Variants in NBEAL1 observed in about 807,000 individuals in gnomAD.
NBEAL1 encodes the protein neurobeachin-like protein 1.
Under a neutral mutation model 351.3 loss-of-function variants are expected in NBEAL1, and 273 were observed. The observed-to-expected ratio is 0.78, with a 90% CI of 0.70 to 0.86. The LOEUF is 0.86. Ranked by LOEUF, NBEAL1 falls within the 40% of genes least tolerant of loss-of-function variation. The pLI, the probability that NBEAL1 is intolerant of heterozygous loss-of-function variation, is 0.00. For synonymous variants in NBEAL1, 1,050 were observed against 1,086.4 expected (o/e 0.97, Z 0.66); for missense variants, 2,961 against 3,201.3 (o/e 0.92, Z 1.81).
At chr2:203,111,884 A>G (rs566002231) in intron 15 of NBEAL1, 95 bp from the exon 16 acceptor site, 3 of 1,322,884 alleles carry the variant, frequency 2.3e-6, no homozygotes, top group South Asian at 2.8e-5. Flanking sequence ...ACGTTCTACT[A>G]TTTGTACAAA....
intron 27 of NBEAL1, among the ~76,000 whole-genome samples, chr2:203,134,155 G>A (rs2063143904): frequency 6.6e-6 from 1 of 152,140 alleles, no homozygotes; most frequent in Non-Finnish European, 1.5e-5. Context: ...CAGTGTGTGT[G>A]ACAGTGATTA....
intron 31 of NBEAL1, among the ~76,000 whole-genome samples, chr2:203,143,272 A>G (rs2106333143): frequency 6.6e-6 from 1 of 152,356 alleles, no homozygotes; most frequent in East Asian, 1.9e-4. Context: ...AAAGCTTAGT[A>G]GTAGTATACA....
At position 203,172,844 on chromosome 2, in the gene NBEAL1, T is replaced by C. The variant is rs1559036357; in HGVS notation, c.6314T>C (p.Met2105Thr). The C allele has an allele frequency of 6.2e-7, 1 of 1,606,460 alleles. No homozygotes were observed. The highest frequency in any genetic ancestry group is 8.5e-7 in the Non-Finnish European group (1 of 1,176,624). The change falls in exon 41 of 56, where the codon ATG (methionine) becomes ACG (threonine). Residue 2105 changes from methionine to threonine, a missense_variant. Met to Thr is a moderately conservative substitution (Grantham distance 81). Coordinates refer to ENST00000683969, the MANE Select transcript of NBEAL1 (RefSeq NM_001378026.1). ...GTTAATGAAAAAAACGCCAAAGCTA[T>C]GAGAGAAAAGTAAGTGCTTCTTATT... ...GVVNEKNAKAMREKYENFEDP... is the reference protein window; with the variant it reads ...GVVNEKNAKATREKYENFEDP...
At chr2:203,060,410 CAT>C (rs1169870252) in intron 6 of NBEAL1, among the ~76,000 whole-genome samples, 1 of 152,242 alleles carries the variant, frequency 6.6e-6, no homozygotes, top group East Asian at 1.9e-4. Flanking sequence ...AAACTTGCCA[CAT>C]GAGGCCAGTC....
intron 51 of NBEAL1, among the ~76,000 whole-genome samples, chr2:203,206,364 A>G (rs2065557203): frequency 6.6e-6 from 1 of 152,030 alleles, no homozygotes; most frequent in Non-Finnish European, 1.5e-5. Flanking sequence ...AACTACAAGA[A>G]AGAAAGCATG....
At position 203,220,164 on chromosome 2, in the gene NBEAL1, A is replaced by G. The variant is rs1488284730; in HGVS notation, c.*2810A>G. Reference sequence around the variant, plus strand: ...AACAGGTGGACATTTCAATTGGTGAATATAGTATCTCAAGTTGGCTCTTAC... The same window carrying G: ...AACAGGTGGACATTTCAATTGGTGAGTATAGTATCTCAAGTTGGCTCTTAC... On this transcript the variant is annotated 3_prime_UTR_variant, in exon 56 of 56. Coordinates refer to ENST00000683969, the MANE Select transcript of NBEAL1 (RefSeq NM_001378026.1). Among the ~76,000 whole-genome samples, 1 of 152,168 alleles carries G rather than the reference A, an allele frequency of 6.6e-6. No individual in the cohort carries two copies. The highest frequency in any genetic ancestry group is 1.9e-4 in the East Asian group (1 of 5,196).
intron 40 of NBEAL1, 33 bp from the exon 41 acceptor site, chr2:203,172,696 G>A: frequency 6.3e-7 from 1 of 1,581,992 alleles, no homozygotes; most frequent in Non-Finnish European, 8.6e-7. Flanking sequence ...CTCTAGGAAG[G>A]AATGTCTAAA....
intron 2 of NBEAL1, 37 bp downstream of exon 2, chr2:203,016,472 A>G (rs1314096558): frequency 7.6e-7 from 1 of 1,322,062 alleles, no homozygotes; most frequent in East Asian, 2.6e-5. Flanking sequence ...GTTTTAAAAT[A>G]CTTTATTATA....
chr2:203,087,353 A>G, intron 10 of NBEAL1, among the ~76,000 whole-genome samples: 1 of 151,482 alleles, frequency 6.6e-6, no homozygotes, highest in Non-Finnish European at 1.5e-5. Flanking sequence ...GGCCTCCCAA[A>G]GTGCTGGGAT....
At chr2:203,143,745 G>C (rs1053778049) in intron 31 of NBEAL1, among the ~76,000 whole-genome samples, 2 of 152,076 alleles carry the variant, frequency 1.3e-5, no homozygotes, top group Non-Finnish European at 2.9e-5. Context: ...AGTGACTCTG[G>C]CTGCCTTTGT....
At chr2:203,157,069 A>G (rs921472019) in intron 35 of NBEAL1, among the ~76,000 whole-genome samples, 3 of 152,218 alleles carry the variant, frequency 2.0e-5, no homozygotes, top group Admixed American at 6.5e-5. Context: ...CAGAAGGGTC[A>G]TTGGCTTAAT....
At chr2:203,077,687 T>G in intron 7 of NBEAL1, 65 bp from the exon 8 acceptor site, 1 of 974,326 alleles carries the variant, frequency 1.0e-6, no homozygotes, top group East Asian at 3.1e-5. Context: ...CAGACATTCC[T>G]TAGAGATAAA....
At chr2:203,199,103 C>G (rs1285976340) in intron 48 of NBEAL1, among the ~76,000 whole-genome samples, 1 of 151,916 alleles carries the variant, frequency 6.6e-6, no homozygotes, top group African/African-American at 2.4e-5. Flanking sequence ...GATCATGTCA[C>G]TGTGCTCCAG....
rs1342199198 is a variant in NBEAL1, at chr2:203,133,560, T to A, written c.3813+414T>A. Among the ~76,000 whole-genome samples the A allele has an allele frequency of 2.0e-5, 3 of 152,104 alleles. No individual in the cohort carries two copies. The East Asian group carries it at 5.8e-4, about 29-fold the overall frequency. On this transcript the variant is annotated intron_variant, in intron 27 of 55. Coordinates refer to ENST00000683969, the MANE Select transcript of NBEAL1 (RefSeq NM_001378026.1). ...TTTGTCTTTAGTACACAGTTAACCT[T>A]TAACTAAGTCAAGAGATAGTTATCC... is the stretch of plus-strand genomic sequence containing the variant.
intron 18 of NBEAL1, among the ~76,000 whole-genome samples, chr2:203,116,954 T>C (rs557139054): frequency 6.6e-6 from 1 of 151,834 alleles, no homozygotes; most frequent in Admixed American, 6.6e-5. Context: ...TACAAAAAAT[T>C]AGCCAGGCTT....
At chr2:203,080,420 A>C (rs77804475) in intron 8 of NBEAL1, among the ~76,000 whole-genome samples, 1 of 152,098 alleles carries the variant, frequency 6.6e-6, no homozygotes, top group Non-Finnish European at 1.5e-5. Flanking sequence ...TCAAAAAAAA[A>C]GTTTCTTATC....
intron 4 of NBEAL1, among the ~76,000 whole-genome samples, chr2:203,051,539 C>T (rs1206037307): frequency 2.0e-5 from 3 of 147,994 alleles, no homozygotes; most frequent in Non-Finnish European, 3.0e-5. Context: ...GAGCGAGACT[C>T]TTCTCAAAAA....
chr2:203,019,032 T>G (rs2060726252), intron 2 of NBEAL1, among the ~76,000 whole-genome samples: 2 of 152,346 alleles, frequency 1.3e-5, no homozygotes, highest in South Asian at 4.1e-4. Flanking sequence ...TAGGCTCCCC[T>G]TCACCATATT....
chr2:203,157,021 G>T (rs1426942626), intron 35 of NBEAL1, among the ~76,000 whole-genome samples: 2 of 152,096 alleles, frequency 1.3e-5, no homozygotes, highest in Non-Finnish European at 2.9e-5. Flanking sequence ...ACAACCTTGT[G>T]ATGAAGTCTC....
Sources: allele counts gnomAD v4.1 joint callset (sites outside exome capture counted in the v4.1 genomes callset), GRCh38; gene constraint gnomAD v4.1.1; transcripts MANE v1.5; gene names NCBI Gene and HGNC (gene_info 2026-07-23, HGNC 2026-07-21).